Variants in SAMD3 observed in about 807,000 individuals in gnomAD.
SAMD3 encodes the protein sterile alpha motif domain containing 3, also known as sterile alpha motif domain-containing protein 3.
In SAMD3, 63 loss-of-function variants were observed where a neutral mutation model predicts 58.5. The observed-to-expected ratio is 1.08, with a 90% CI of 0.88 to 1.33. SAMD3 has a LOEUF of 1.33. SAMD3 is among the 40% of genes most tolerant of loss of function. SAMD3 has a pLI of 0.00. For missense variants in SAMD3, 604 were observed against 608.4 expected (o/e 0.99, Z 0.08); for synonymous variants, 220 against 210.3 (o/e 1.05, Z -0.40).
chr6:130,147,884 T>C lies in SAMD3; in HGVS notation c.1024-1703A>G, dbSNP rs1181888110. Among the ~76,000 whole-genome samples the C allele has an allele frequency of 2.6e-5, 4 of 152,362 alleles. No homozygotes were observed. The East Asian group carries it at 5.8e-4, about 22-fold the overall frequency. ...AGAACATTTCTCCTTGGAAGTTTTA[T>C]GATATTTCAAGATTTATGCATTTCT... On this transcript the variant is annotated intron_variant, in intron 9 of 11. Transcript: ENST00000439090.
chr6:130,315,093 T>G (rs1164345787), intron 1 of SAMD3, among the ~76,000 whole-genome samples: 2 of 150,048 alleles, frequency 1.3e-5, no homozygotes, highest in Non-Finnish European at 2.9e-5. Flanking sequence ...GAGAATAATA[T>G]GGTGTTCTTG....
At chr6:130,316,343 A>AAGGATAAG (rs1776371466) in intron 1 of SAMD3, among the ~76,000 whole-genome samples, 2 of 151,290 alleles carry the variant, frequency 1.3e-5, no homozygotes, top group Admixed American at 1.3e-4. Context: ...GAAAGGAAGG[A>AAGGATAAG]AGGATAAGAA....
chr6:130,243,789 C>T lies in SAMD3; in HGVS notation c.-187-20976G>A, dbSNP rs138492423. Among the ~76,000 whole-genome samples the T allele has an allele frequency of 1.1e-3, 166 of 152,266 alleles. 1 individual carries two copies. Among genetic ancestry groups the T allele is most frequent in the Middle Eastern group, 3.4e-3 (1 of 294 alleles). On this transcript the variant is annotated intron_variant, in intron 2 of 13. Coordinates refer to the SAMD3 transcript ENST00000368134. ...TAATTGGGAAGAATAGTATCTCTTA[C>T]GTTACACACACAGACACAAGTGCAC...
chr6:130,343,896 T>C (rs1433178983), intron 1 of SAMD3, among the ~76,000 whole-genome samples: 1 of 150,596 alleles, frequency 6.6e-6, no homozygotes, highest in African/African-American at 2.5e-5. Context: ...ACCGGGGAGG[T>C]GGAAGTTACA....
intron 5 of SAMD3, among the ~76,000 whole-genome samples, chr6:130,188,892 G>A (rs1562419095): frequency 6.6e-6 from 1 of 151,942 alleles, no homozygotes; most frequent in African/African-American, 2.4e-5. Context: ...CTTGGTTCCT[G>A]CCCCCTTAAT....
intron 1 of SAMD3, among the ~76,000 whole-genome samples, chr6:130,221,099 C>T (rs980256249): frequency 3.9e-5 from 6 of 152,024 alleles, no homozygotes; most frequent in African/African-American, 1.4e-4. Flanking sequence ...TGTGATCTGC[C>T]CACCTTGGCC....
upstream of SAMD3, among the ~76,000 whole-genome samples, chr6:130,225,633 C>A (rs536482703): frequency 6.6e-6 from 1 of 152,338 alleles, no homozygotes; most frequent in East Asian, 1.9e-4. Context: ...CCAATCTTAA[C>A]TGCTGCCTAC....
chr6:130,158,126 T>C (rs1389360290), intron 8 of SAMD3, among the ~76,000 whole-genome samples: 2 of 152,204 alleles, frequency 1.3e-5, no homozygotes, highest in Non-Finnish European at 2.9e-5. Flanking sequence ...AAGTCATCTT[T>C]CTCCAAGTAG....
chr6:130,296,840 A>G (rs570262257), intron 2 of SAMD3, among the ~76,000 whole-genome samples: 62 of 152,234 alleles, frequency 4.1e-4, no homozygotes, highest in African/African-American at 1.2e-3. Flanking sequence ...GTCAGTCTTT[A>G]TGAAATAAGG....
At chr6:130,289,967 A>G (rs1440189372) in intron 2 of SAMD3, among the ~76,000 whole-genome samples, 1 of 138,252 alleles carries the variant, frequency 7.2e-6, no homozygotes, top group Non-Finnish European at 1.6e-5. Flanking sequence ...CACGTACTAG[A>G]GCTTTGATTT....
At chr6:130,206,488 AACTT>A (rs1381701927) in intron 5 of SAMD3, among the ~76,000 whole-genome samples, 1 of 152,168 alleles carries the variant, frequency 6.6e-6, no homozygotes, top group Admixed American at 6.5e-5. Flanking sequence ...CATGCTCGGG[AACTT>A]ACTTGTTCAG....
chr6:130,349,278 ATGAATCC>A (rs1777568707), intron 1 of SAMD3, among the ~76,000 whole-genome samples: 1 of 152,208 alleles, frequency 6.6e-6, no homozygotes, highest in African/African-American at 2.4e-5. Context: ...CAAAAAATCA[ATGAATCC>A]AGGAGATGGT....
intron 2 of SAMD3, among the ~76,000 whole-genome samples, chr6:130,250,805 T>A (rs1773712499): frequency 6.6e-6 from 1 of 152,246 alleles, no homozygotes; most frequent in Admixed American, 6.5e-5. Context: ...TATTCCATCG[T>A]ATTAACATAC....
chr6:130,147,101 C>G (rs776662614), intron 9 of SAMD3, among the ~76,000 whole-genome samples: 54 of 152,182 alleles, frequency 3.5e-4, no homozygotes, highest in Middle Eastern at 3.2e-3. Flanking sequence ...GAACTCTTCC[C>G]CCTCAGAGGA....
chr6:130,184,069 G>C (rs1792674185), intron 7 of SAMD3, 34 bp downstream of exon 7: 7 of 1,548,130 alleles, frequency 4.5e-6, no homozygotes, highest in Non-Finnish European at 6.2e-6. Flanking sequence ...AAGATAGTCT[G>C]AAATTAACAG....
At chr6:130,325,016 C>A (rs774090164) in intron 1 of SAMD3, among the ~76,000 whole-genome samples, 5 of 151,970 alleles carry the variant, frequency 3.3e-5, no homozygotes, top group Non-Finnish European at 7.4e-5. Flanking sequence ...ATCAGTGGAG[C>A]CTTAAATGAA....
At chr6:130,232,594 CA>C (rs546732947) in intron 2 of SAMD3, among the ~76,000 whole-genome samples, 1 of 151,578 alleles carries the variant, frequency 6.6e-6, no homozygotes, top group African/African-American at 2.4e-5. Context: ...GTGATAGAAT[CA>C]AAAAAAATAA....
intron 2 of SAMD3, among the ~76,000 whole-genome samples, chr6:130,255,606 G>T (rs1773897637): frequency 6.6e-6 from 1 of 152,012 alleles, no homozygotes; most frequent in South Asian, 2.1e-4. Flanking sequence ...AATCCTTTGT[G>T]TGAAATATCT....
intron 9 of SAMD3, among the ~76,000 whole-genome samples, chr6:130,148,654 T>G (rs567218622): frequency 3.4e-4 from 52 of 152,238 alleles, no homozygotes; most frequent in African/African-American, 1.2e-3. Context: ...AGAAGGATCA[T>G]TTGAGCCCAG....
Sources: gnomAD v4.1 joint callset for allele counts (sites outside exome capture counted in the v4.1 genomes callset) on GRCh38, gnomAD v4.1.1 for gene constraint, MANE v1.5 for transcripts, NCBI Gene and HGNC (gene_info 2026-07-23, HGNC 2026-07-21) for gene names.